Variants in ZNF483 observed in about 807,000 individuals in gnomAD.
ZNF483 encodes zinc finger protein 483.
Under a neutral mutation model 28.6 loss-of-function variants are expected in ZNF483, and 9 were observed. That is an observed-to-expected ratio of 0.32 (90% CI 0.19 to 0.55). The LOEUF is 0.55. Ranked by LOEUF, ZNF483 falls within the 20% of genes least tolerant of loss-of-function variation. The pLI, the probability that ZNF483 is intolerant of heterozygous loss-of-function variation, is 0.93. For synonymous variants in ZNF483, 322 were observed against 306.2 expected, an observed-to-expected ratio of 1.05 and a Z score of -0.54; for missense variants, 675 against 871.7, an observed-to-expected ratio of 0.77 and a Z score of 2.84.
intron 5 of ZNF483, among the ~76,000 whole-genome samples, chr9:111,560,944 A>AATAT (rs746101013): frequency 1.9e-4 from 6 of 31,210 alleles, no homozygotes; most frequent in East Asian, 1.2e-3. Context: ...CTCCATCTAA[A>AATAT]ATATATATAT....
intron 2 of ZNF483, 126 bp from the exon 3 acceptor site, chr9:111,530,749 A>G (rs1827305784): frequency 8.9e-6 from 1 of 111,858 alleles, no homozygotes; most frequent in African/African-American, 3.3e-5. Context: ...CCTGTTTATC[A>G]CTTAGAAATA....
intron 5 of ZNF483, among the ~76,000 whole-genome samples, chr9:111,560,636 C>CAAAAAAA (rs1015199330): frequency 7.2e-4 from 19 of 26,292 alleles, no homozygotes; most frequent in African/African-American, 2.0e-3. Context: ...GACACCATCT[C>CAAAAAAA]AAAAAAAAAA....
intron 5 of ZNF483, among the ~76,000 whole-genome samples, chr9:111,541,434 A>G (rs575496521): frequency 3.3e-5 from 5 of 152,302 alleles, no homozygotes; most frequent in African/African-American, 7.2e-5. Flanking sequence ...ACTTGCATCT[A>G]ACTATAAAGC....
At position 111,541,893 on chromosome 9, in the gene ZNF483, C is replaced by T. The variant is rs1217019047; in HGVS notation, c.958C>T (p.His320Tyr). ...CAAAGAAACTTCAGACTTAATTAAA[C>T]ATCTGAGAGTCTACTTGAGGAAGAA... ...NFKETSDLIK[H>Y]LRVYLRKKSR... The change falls in exon 6 of 6, where the codon CAT becomes TAT. Residue 320 changes from histidine (H) to tyrosine (Y), a missense_variant. His to Tyr is a moderately conservative substitution (Grantham distance 83). Coordinates refer to ENST00000309235, the MANE Select transcript of ZNF483 (RefSeq NM_133464.5). 6.2e-7 allele frequency: 1 copy of T among 1,613,988 alleles called. No homozygotes were observed. The highest frequency in any genetic ancestry group is 8.5e-7 in the Non-Finnish European group (1 of 1,180,004).
Position 111,545,048 on chromosome 9 carries a change from AAT to A in ZNF483, c.*1879_*1880del. Among the ~76,000 whole-genome samples the A allele has an allele frequency of 6.6e-6, 1 of 152,284 alleles. No individual in the cohort carries two copies. Among genetic ancestry groups the A allele is most frequent in the South Asian group, 2.1e-4 (1 of 4,822 alleles). ...CTGTGACTAATGTATGTAGGTGTGA[AAT>A]GCTACCTCTGGGAGAAGGTTTTTGG... On this transcript the variant is annotated 3_prime_UTR_variant, in exon 6 of 6. Coordinates refer to ENST00000309235, the MANE Select transcript of ZNF483 (RefSeq NM_133464.5).
intron 5 of ZNF483, among the ~76,000 whole-genome samples, chr9:111,566,930 C>T (rs942740782): frequency 2.0e-5 from 3 of 151,728 alleles, no homozygotes; most frequent in Non-Finnish European, 4.4e-5. Flanking sequence ...CTACGAAAAA[C>T]ACAAAAAAAC....
chr9:111,559,032 T>C (rs1356243040), downstream of ZNF483, among the ~76,000 whole-genome samples: 1 of 152,108 alleles, frequency 6.6e-6, no homozygotes, highest in Non-Finnish European at 1.5e-5. Context: ...TGCCTCCCCA[T>C]GTGGTTAGTC....
chr9:111,544,170 G>A lies in ZNF483; in HGVS notation c.*1000G>A, dbSNP rs1033517873. The stretch of plus-strand genomic sequence containing the variant: ...TAACAGTCCTAGGAAAATAGATGGG[G>A]GCTGGGGGTAAGGAAATGTGCTGAA... On this transcript the variant is annotated 3_prime_UTR_variant, in exon 6 of 6. Coordinates refer to ENST00000309235, the MANE Select transcript of ZNF483 (RefSeq NM_133464.5). 5.1e-6 allele frequency: 5 copies of A among 985,330 alleles called. No individual in the cohort carries two copies. The highest frequency in any genetic ancestry group is 1.0e-3 in the Middle Eastern group (2 of 1,936). 61.0% of individuals were successfully genotyped at this position (985,330 alleles called of 1,614,324 possible).
intron 5 of ZNF483, among the ~76,000 whole-genome samples, chr9:111,540,742 T>A (rs1195277019): frequency 3.9e-5 from 6 of 152,174 alleles, no homozygotes; most frequent in Non-Finnish European, 5.9e-5. Flanking sequence ...TTCAACAAAA[T>A]TAGTGTTATT....
In ZNF483 at chr9:111,549,438, T is replaced by C. The variant is rs1458260638; in HGVS notation, c.*6268T>C. Among the ~76,000 whole-genome samples the C allele has an allele frequency of 6.6e-6, 1 of 152,210 alleles. No individual in the cohort carries two copies. Among genetic ancestry groups the C allele is most frequent in the Non-Finnish European group, 1.5e-5 (1 of 68,030 alleles). On this transcript the variant is annotated 3_prime_UTR_variant, in exon 6 of 6. Coordinates refer to ENST00000309235, the MANE Select transcript of ZNF483 (RefSeq NM_133464.5). ...ATGAATCTTTTGGTGCTCAGTAAGT[T>C]GTGATTTCCAAGCAAAGTGTTTTTC...
At chr9:111,558,892 CT>C (rs1828197172), downstream of ZNF483, among the ~76,000 whole-genome samples, 1 of 152,170 alleles carries the variant, frequency 6.6e-6, no homozygotes, top group Non-Finnish European at 1.5e-5. Flanking sequence ...CTTCCCTTAT[CT>C]TTAATTTACT....
intron 5 of ZNF483, 111 bp downstream of exon 5, chr9:111,534,464 G>C (rs1381273187): frequency 2.2e-6 from 2 of 892,346 alleles, no homozygotes; most frequent in East Asian, 5.1e-5. Context: ...AAGATGATTA[G>C]AATAGAGCCC....
intron 5 of ZNF483, among the ~76,000 whole-genome samples, chr9:111,567,428 AC>A (rs1237445712): frequency 6.6e-6 from 1 of 152,114 alleles, no homozygotes; most frequent in East Asian, 1.9e-4. Flanking sequence ...CTTGTGATCC[AC>A]CTGCCTTGGC....
At chr9:111,576,305 C>G in intron 5 of ZNF483, 1 of 1,591,460 alleles carries the variant, frequency 6.3e-7, no homozygotes, top group Non-Finnish European at 8.6e-7. Flanking sequence ...AAACTACTTG[C>G]TAAAATTTTA....
In ZNF483 at chr9:111,561,154, A is replaced by AGAGG. The variant is rs1564608154; in HGVS notation, c.722-15208_722-15207insGGAG. On this transcript the variant is annotated intron_variant, in intron 5 of 5. Coordinates refer to the ZNF483 transcript ENST00000358151. ...AGAGAGAGAGGAGAGAGAGGGAGAG[A>AGAGG]GAGAGAGAGAGAGAGAGAGAGAGAA... Among the ~76,000 whole-genome samples, 81 of 97,248 alleles carry AGAGG rather than the reference A, an allele frequency of 8.3e-4. 2 individuals are homozygous for AGAGG. The highest frequency in any genetic ancestry group is 1.1e-3 in the Non-Finnish European group (54 of 48,566). 63.8% of individuals were successfully genotyped at this position (97,248 alleles called of 152,430 possible).
In ZNF483 at chr9:111,544,108, C is replaced by A. The variant is rs1827745711; in HGVS notation, c.*938C>A. ...GCATTGGCCAACAGGACTGAGAAGC[C>A]AGAGAGCTTGCACCTGAGCCATCTC... is the stretch of plus-strand genomic sequence containing the variant. On this transcript the variant is annotated 3_prime_UTR_variant, in exon 6 of 6. Transcript: ENST00000309235. 3.0e-6 allele frequency: 3 copies of A among 985,242 alleles called. No individual in the cohort carries two copies. The African/African-American group carries it at 5.2e-5, about 17-fold the overall frequency. 61.0% of individuals were successfully genotyped at this position (985,242 alleles called of 1,614,324 possible).
intron 2 of ZNF483, 94 bp from the exon 3 acceptor site, chr9:111,530,781 A>ATG (rs1827315306): frequency 1.3e-5 from 1 of 78,656 alleles, no homozygotes; most frequent in Non-Finnish European, 2.6e-5. Flanking sequence ...ATATATATAT[A>ATG]TATATATATA....
chr9:111,558,479 G>A (rs919216415), downstream of ZNF483, among the ~76,000 whole-genome samples: 4 of 152,148 alleles, frequency 2.6e-5, no homozygotes, highest in African/African-American at 7.2e-5. Flanking sequence ...GGAGTTTGAA[G>A]TCAGCCTGGA....
At chr9:111,562,133 A>G (rs1226745523) in intron 5 of ZNF483, among the ~76,000 whole-genome samples, 1 of 152,100 alleles carries the variant, frequency 6.6e-6, no homozygotes, top group African/African-American at 2.4e-5. Context: ...TCCGCCTCCA[A>G]AAGTGCTGGG....
Sources: allele counts gnomAD v4.1 joint callset (sites outside exome capture counted in the v4.1 genomes callset), GRCh38; gene constraint gnomAD v4.1.1; transcripts MANE v1.5; gene names NCBI Gene and HGNC (gene_info 2026-07-23, HGNC 2026-07-21).